The following WWOX variants were observed in gnomAD, a reference collection of about 807,000 sequenced individuals.
The protein encoded by WWOX is WW domain containing oxidoreductase.
In WWOX, 69 loss-of-function variants were observed where a neutral mutation model predicts 46.2. The observed-to-expected ratio is 1.49, with a 90% CI of 1.23 to 1.82. The LOEUF is 1.82. WWOX is among the 40% of genes most tolerant of loss of function. The pLI is 0.00. For missense variants in WWOX, 919 were observed against 542.6 expected (o/e 1.69, Z -6.89); for synonymous variants, 359 against 202.6 (o/e 1.77, Z -6.56).
intron 8 of WWOX, among the ~76,000 whole-genome samples, chr16:78,834,668 A>C (rs944793562): frequency 6.6e-6 from 1 of 152,190 alleles, no homozygotes; most frequent in African/African-American, 2.4e-5. Flanking sequence ...CATTCCACTG[A>C]CTTCTTAACA....
chr16:78,396,924 C>T (rs2082300733), intron 6 of WWOX, among the ~76,000 whole-genome samples: 1 of 152,180 alleles, frequency 6.6e-6, no homozygotes, highest in Non-Finnish European at 1.5e-5. Context: ...GGCCTGGCAG[C>T]TGTGGTTTAC....
intron 8 of WWOX, among the ~76,000 whole-genome samples, chr16:78,866,552 C>A (rs780711183): frequency 6.6e-6 from 1 of 152,046 alleles, no homozygotes; most frequent in Admixed American, 6.6e-5. Flanking sequence ...AGCTAATGTA[C>A]CACACGAAAT....
intron 8 of WWOX, among the ~76,000 whole-genome samples, chr16:78,781,554 T>C (rs1455133087): frequency 3.3e-5 from 5 of 152,218 alleles, no homozygotes; most frequent in African/African-American, 4.8e-5. Context: ...TGCTTTTGTG[T>C]GCTTCCTATT....
chr16:78,406,772 G>A (rs567678029), intron 6 of WWOX, among the ~76,000 whole-genome samples: 6 of 151,794 alleles, frequency 4.0e-5, no homozygotes, highest in East Asian at 3.9e-4. Context: ...GATTACAGTC[G>A]TGTGCCACCA....
At chr16:78,852,887 C>G (rs1597722671) in intron 8 of WWOX, among the ~76,000 whole-genome samples, 1 of 152,146 alleles carries the variant, frequency 6.6e-6, no homozygotes, top group Non-Finnish European at 1.5e-5. Flanking sequence ...GCATATAGCA[C>G]TTTCTCAAAA....
At chr16:79,037,882 A>G (rs540952388) in intron 8 of WWOX, among the ~76,000 whole-genome samples, 2 of 152,264 alleles carry the variant, frequency 1.3e-5, no homozygotes, top group South Asian at 4.2e-4. Context: ...CTGTGCCAGT[A>G]GAAATGCCAG....
At chr16:78,281,612 A>AC (rs1420362727) in intron 5 of WWOX, among the ~76,000 whole-genome samples, 1 of 152,178 alleles carries the variant, frequency 6.6e-6, no homozygotes, top group Non-Finnish European at 1.5e-5. Flanking sequence ...TAGTGCGAAA[A>AC]CAGGCATAAA....
intron 5 of WWOX, among the ~76,000 whole-genome samples, chr16:78,312,663 C>A (rs189055815): frequency 1.3e-3 from 198 of 152,346 alleles, no homozygotes; most frequent in African/African-American, 4.5e-3. Context: ...GCATGAGCCA[C>A]TGTGCCTGGC....
At chr16:78,892,935 C>T (rs113154523) in intron 8 of WWOX, among the ~76,000 whole-genome samples, 2,515 of 152,300 alleles carry the variant, frequency 0.017, 71 homozygotes, top group African/African-American at 0.057. Context: ...AGGGTCTTTT[C>T]TGTCCTTAAG....
chr16:78,718,529 A>T (rs2048620408), intron 8 of WWOX, among the ~76,000 whole-genome samples: 1 of 152,138 alleles, frequency 6.6e-6, no homozygotes, highest in Non-Finnish European at 1.5e-5. Context: ...CCAGTCAGAA[A>T]AATTTATCTT....
At chr16:78,213,555 G>C (rs1000094323) in intron 5 of WWOX, among the ~76,000 whole-genome samples, 10 of 151,904 alleles carry the variant, frequency 6.6e-5, no homozygotes, top group Admixed American at 5.9e-4. Flanking sequence ...TATTTTTAAT[G>C]TGACTGAGAA....
chr16:78,950,527 C>T (rs986957702), intron 8 of WWOX, among the ~76,000 whole-genome samples: 156 of 85,528 alleles, frequency 1.8e-3, no homozygotes, highest in African/African-American at 3.4e-3. Context: ...AACACACACA[C>T]ACACATACAC....
intron 8 of WWOX, among the ~76,000 whole-genome samples, chr16:78,938,263 G>A (rs144827288): frequency 4.5e-4 from 68 of 152,330 alleles, no homozygotes; most frequent in African/African-American, 1.6e-3. Flanking sequence ...GGGAAAGACA[G>A]GAAGTAGATC....
intron 8 of WWOX, among the ~76,000 whole-genome samples, chr16:79,175,305 A>G (rs895199882): frequency 5.9e-5 from 9 of 152,172 alleles, no homozygotes; most frequent in African/African-American, 1.2e-4. Flanking sequence ...GAAAGCCTAT[A>G]TACTCTGGAG....
intron 4 of WWOX, among the ~76,000 whole-genome samples, chr16:78,150,886 T>C (rs1277640567): frequency 6.6e-6 from 1 of 151,988 alleles, no homozygotes; most frequent in Non-Finnish European, 1.5e-5. Context: ...AAGGTTTTTG[T>C]TTTTTTAGAC....
chr16:78,406,463 C>T (rs1237977789), intron 6 of WWOX, among the ~76,000 whole-genome samples: 1 of 149,970 alleles, frequency 6.7e-6, no homozygotes, highest in East Asian at 2.0e-4. Flanking sequence ...AGCGATTCCC[C>T]TGCCTTAGCC....
At chr16:78,807,836 A>G (rs969826953) in intron 8 of WWOX, among the ~76,000 whole-genome samples, 4 of 152,244 alleles carry the variant, frequency 2.6e-5, no homozygotes, top group Non-Finnish European at 5.9e-5. Context: ...GTTGTATAAC[A>G]TTTGTAAAAA....
At chr16:78,932,783 C>G (rs1484756529) in intron 8 of WWOX, among the ~76,000 whole-genome samples, 2 of 152,170 alleles carry the variant, frequency 1.3e-5, no homozygotes, top group Admixed American at 6.5e-5. Context: ...AGAGATGACT[C>G]AGGCTGGTCC....
intron 6 of WWOX, among the ~76,000 whole-genome samples, chr16:78,419,235 G>T (rs1364961573): frequency 6.6e-6 from 1 of 152,136 alleles, no homozygotes; most frequent in African/African-American, 2.4e-5. Flanking sequence ...TACAAATTTA[G>T]TGCAATCTCT....
Sources: allele counts gnomAD v4.1 joint callset (sites outside exome capture counted in the v4.1 genomes callset), GRCh38; gene constraint gnomAD v4.1.1; transcripts MANE v1.5; gene names NCBI Gene and HGNC (gene_info 2026-07-23, HGNC 2026-07-21).